Variants in DLG2 observed in about 807,000 individuals in gnomAD.
DLG2 encodes the protein disks large homolog 2.
In DLG2, 45 loss-of-function variants were observed where a neutral mutation model predicts 132.5. That is an observed-to-expected ratio of 0.34 (90% CI 0.27 to 0.44). DLG2 has a LOEUF of 0.44. Among genes scored for constraint, DLG2 ranks in the 20% least tolerant of loss-of-function variants. DLG2 has a pLI of 1.00. For synonymous variants in DLG2, 424 were observed against 419.6 expected, an observed-to-expected ratio of 1.01 and a Z score of -0.13; for missense variants, 1,045 against 1,196.9, an observed-to-expected ratio of 0.87 and a Z score of 1.87.
At chr11:83,661,911 T>A (rs1180923564) in intron 18 of DLG2, among the ~76,000 whole-genome samples, 1 of 152,204 alleles carries the variant, frequency 6.6e-6, no homozygotes, top group East Asian at 1.9e-4. Flanking sequence ...CATTAACACA[T>A]GCCCTGACAT....
intron 3 of DLG2, among the ~76,000 whole-genome samples, chr11:85,526,130 C>A (rs961207929): frequency 1.1e-4 from 16 of 152,106 alleles, no homozygotes; most frequent in African/African-American, 3.9e-4. Context: ...GAAGAATTAG[C>A]CCTAGACTAA....
At chr11:84,922,938 C>G (rs2092826498) in intron 6 of DLG2, 1 of 1,051,150 alleles carries the variant, frequency 9.5e-7, no homozygotes, top group Non-Finnish European at 1.4e-6. Flanking sequence ...AACAATAAAA[C>G]AAAGCCTTTG....
chr11:85,395,097 CTCTT>C (rs1467109480), intron 3 of DLG2, among the ~76,000 whole-genome samples: 2 of 152,184 alleles, frequency 1.3e-5, no homozygotes, highest in African/African-American at 2.4e-5. Flanking sequence ...ATTTGTCTGC[CTCTT>C]TCTTTGTTTA....
At chr11:85,149,945 G>A (rs1216064871) in intron 5 of DLG2, among the ~76,000 whole-genome samples, 1 of 149,694 alleles carries the variant, frequency 6.7e-6, no homozygotes, top group Non-Finnish European at 1.5e-5. Context: ...TACCTTTAAT[G>A]CTGATTCTGT....
At chr11:85,089,051 G>T (rs532157554) in intron 6 of DLG2, among the ~76,000 whole-genome samples, 1 of 152,284 alleles carries the variant, frequency 6.6e-6, no homozygotes, top group South Asian at 2.1e-4. Flanking sequence ...TGCGAGCAGA[G>T]CTCCTTACCA....
Position 85,411,739 on chromosome 11 carries a change from T to C in DLG2, c.41-126374A>G, listed in dbSNP as rs57889251. Among the ~76,000 whole-genome samples the C allele has an allele frequency of 2.6e-4, 40 of 151,918 alleles. 1 individual carries two copies. In the East Asian group the frequency reaches 7.8e-3, roughly 29 times the overall value. Reference sequence around the variant, plus strand: ...GAGTGATAAGCGGTGTTGAGGAAAATAGTGATTTTAGCCTCATGGAAGAAT... The same window carrying C: ...GAGTGATAAGCGGTGTTGAGGAAAACAGTGATTTTAGCCTCATGGAAGAAT... On this transcript the variant is annotated intron_variant, in intron 3 of 27. Transcript: ENST00000376104.
At chr11:83,830,500 T>C (rs963963605) in intron 17 of DLG2, among the ~76,000 whole-genome samples, 9 of 152,238 alleles carry the variant, frequency 5.9e-5, no homozygotes, top group Non-Finnish European at 4.4e-5. Context: ...ATCCTTAATA[T>C]GAACATAACA....
At chr11:85,262,798 C>T (rs1440379262) in intron 4 of DLG2, among the ~76,000 whole-genome samples, 1 of 152,170 alleles carries the variant, frequency 6.6e-6, no homozygotes, top group Non-Finnish European at 1.5e-5. Context: ...AATAAACTCC[C>T]TTCTTTCCCA....
At chr11:83,787,756 A>G (rs7937214) in intron 17 of DLG2, among the ~76,000 whole-genome samples, 26,205 of 152,240 alleles carry the variant, frequency 0.17, 2,452 homozygotes, top group African/African-American at 0.23. Context: ...CCATACTGAA[A>G]GAGAAACAGA....
At chr11:84,132,776 G>A (rs1595875679) in intron 9 of DLG2, among the ~76,000 whole-genome samples, 1 of 152,008 alleles carries the variant, frequency 6.6e-6, no homozygotes, top group Admixed American at 6.6e-5. Context: ...GAATTGGAAG[G>A]TCTAACACAG....
chr11:84,277,306 A>T (rs1177035380), intron 7 of DLG2, among the ~76,000 whole-genome samples: 1 of 152,222 alleles, frequency 6.6e-6, no homozygotes, highest in Non-Finnish European at 1.5e-5. Flanking sequence ...GTATTTACCA[A>T]GATAGAACAT....
chr11:83,704,899 T>G (rs2083638656), intron 18 of DLG2, among the ~76,000 whole-genome samples: 1 of 152,282 alleles, frequency 6.6e-6, no homozygotes, highest in Non-Finnish European at 1.5e-5. Flanking sequence ...AATATTAAGT[T>G]ATTCAGACTA....
chr11:84,380,213 G>C (rs1244607463), intron 7 of DLG2, among the ~76,000 whole-genome samples: 2 of 152,070 alleles, frequency 1.3e-5, no homozygotes, highest in Non-Finnish European at 2.9e-5. Flanking sequence ...AAAGGTTGGA[G>C]ATACTAGAAG....
chr11:83,949,353 C>T (rs1328396770), intron 14 of DLG2, among the ~76,000 whole-genome samples: 2 of 152,084 alleles, frequency 1.3e-5, no homozygotes, highest in Non-Finnish European at 2.9e-5. Flanking sequence ...ATGATCTTTT[C>T]CCTTCCTTAC....
intron 3 of DLG2, among the ~76,000 whole-genome samples, chr11:85,572,522 T>A (rs1290976951): frequency 6.6e-6 from 1 of 152,166 alleles, no homozygotes; most frequent in Non-Finnish European, 1.5e-5. Context: ...TTTGTTTTAT[T>A]TCCATTCCTT....
At chr11:85,597,944 T>C (rs924769864) in intron 3 of DLG2, among the ~76,000 whole-genome samples, 2 of 151,584 alleles carry the variant, frequency 1.3e-5, no homozygotes, top group Non-Finnish European at 3.0e-5. Context: ...TTTGTTAATT[T>C]ATTTTACTTC....
At chr11:83,825,620 C>G (rs1292845545) in intron 17 of DLG2, among the ~76,000 whole-genome samples, 5 of 152,098 alleles carry the variant, frequency 3.3e-5, no homozygotes, top group Non-Finnish European at 5.9e-5. Flanking sequence ...CTTGTCTACT[C>G]CAAGTTCCTT....
intron 6 of DLG2, among the ~76,000 whole-genome samples, chr11:85,078,828 T>C (rs1405083401): frequency 6.6e-6 from 1 of 152,096 alleles, no homozygotes. Flanking sequence ...CAAGAGTGAT[T>C]TGTCATAGTA....
At chr11:85,421,164 G>A (rs748620368) in intron 3 of DLG2, among the ~76,000 whole-genome samples, 12 of 152,074 alleles carry the variant, frequency 7.9e-5, no homozygotes, top group African/African-American at 1.7e-4. Context: ...TATCGGAGCC[G>A]GAGTGTACCA....
Sources: allele counts gnomAD v4.1 joint callset (sites outside exome capture counted in the v4.1 genomes callset), GRCh38; gene constraint gnomAD v4.1.1; transcripts MANE v1.5; gene names NCBI Gene and HGNC (gene_info 2026-07-23, HGNC 2026-07-21).